CSMD1: variants seen among roughly 807,000 people sequenced by gnomAD.
CSMD1 encodes the protein CUB and sushi domain-containing protein 1.
Under a neutral mutation model 417.5 loss-of-function variants are expected in CSMD1, and 213 were observed. The ratio of observed to expected loss-of-function variants is 0.51; its 90% CI spans 0.46 to 0.57. CSMD1 has a LOEUF of 0.57. Ranked by LOEUF, CSMD1 falls within the 20% of genes least tolerant of loss-of-function variation. The probability of loss-of-function intolerance (pLI) is 0.00; values close to 1 mark genes in which losing one functional copy is unlikely to be tolerated. For synonymous variants in CSMD1, 2,862 were observed against 1,736.8 expected (o/e 1.65, Z -16.11); for missense variants, 6,923 against 4,529.7 (o/e 1.53, Z -15.17).
chr8:4,526,542 C>G (rs575536241), intron 2 of CSMD1, among the ~76,000 whole-genome samples: 70 of 152,332 alleles, frequency 4.6e-4, no homozygotes, highest in African/African-American at 1.7e-3. Flanking sequence ...AATTATAGAA[C>G]TGTGTTGTGG....
At chr8:4,977,246 C>T (rs1440173637) in intron 1 of CSMD1, among the ~76,000 whole-genome samples, 1 of 152,080 alleles carries the variant, frequency 6.6e-6, no homozygotes, top group Non-Finnish European at 1.5e-5. Context: ...CAAGTGAGAG[C>T]AAAACTCTTT....
intron 5 of CSMD1, among the ~76,000 whole-genome samples, chr8:3,836,020 TTC>T (rs1802675392): frequency 6.6e-6 from 1 of 152,136 alleles, no homozygotes; most frequent in African/African-American, 2.4e-5. Context: ...TGTCCTCATT[TTC>T]TGTTTCATTA....
chr8:4,482,717 G>A (rs999675976), intron 2 of CSMD1, among the ~76,000 whole-genome samples: 2 of 152,138 alleles, frequency 1.3e-5, no homozygotes, highest in Non-Finnish European at 2.9e-5. Context: ...CACCAACAGT[G>A]TAAAAGGATT....
intron 3 of CSMD1, among the ~76,000 whole-genome samples, chr8:4,256,736 C>T (rs947219216): frequency 2.6e-5 from 4 of 152,176 alleles, no homozygotes; most frequent in Admixed American, 2.0e-4. Flanking sequence ...GGCACAGTTA[C>T]GGGCAGTGAG....
intron 7 of CSMD1, among the ~76,000 whole-genome samples, chr8:3,704,442 T>G (rs1273429771): frequency 2.0e-5 from 3 of 152,200 alleles, no homozygotes. Flanking sequence ...AGTGGTACTT[T>G]GTACTTGCCT....
intron 1 of CSMD1, among the ~76,000 whole-genome samples, chr8:4,965,639 G>T (rs1369710097): frequency 6.6e-6 from 1 of 152,214 alleles, no homozygotes; most frequent in East Asian, 1.9e-4. Context: ...TCCTGTAGCT[G>T]TATAAGTGGA....
intron 51 of CSMD1, among the ~76,000 whole-genome samples, chr8:3,025,130 G>T (rs1809763181): frequency 6.6e-6 from 1 of 150,844 alleles, no homozygotes; most frequent in South Asian, 2.1e-4. Context: ...CTGAAACTGT[G>T]TATTGTGTGG....
At chr8:4,405,820 T>C (rs28367292) in intron 3 of CSMD1, among the ~76,000 whole-genome samples, 26,753 of 152,150 alleles carry the variant, frequency 0.18, 2,396 homozygotes, top group East Asian at 0.26. Flanking sequence ...GGCGGAGCAG[T>C]GCGTGCCTCC....
intron 26 of CSMD1, among the ~76,000 whole-genome samples, chr8:3,281,374 G>C (rs547782667): frequency 1.3e-5 from 2 of 152,258 alleles, no homozygotes; most frequent in East Asian, 3.9e-4. Flanking sequence ...AACCCAGGAG[G>C]CAGAGGCTCC....
intron 7 of CSMD1, among the ~76,000 whole-genome samples, chr8:3,654,410 T>C (rs1798002823): frequency 6.6e-6 from 1 of 152,204 alleles, no homozygotes; most frequent in Non-Finnish European, 1.5e-5. Context: ...AAGTACCCTT[T>C]GGTGTAGTCC....
chr8:3,311,343 G>T (rs915389647), intron 23 of CSMD1, among the ~76,000 whole-genome samples: 1 of 151,968 alleles, frequency 6.6e-6, no homozygotes, highest in African/African-American at 2.4e-5. Context: ...TCCATCTCCT[G>T]GGTTCCAGTG....
At chr8:4,302,045 A>G (rs987933543) in intron 3 of CSMD1, among the ~76,000 whole-genome samples, 10 of 152,192 alleles carry the variant, frequency 6.6e-5, no homozygotes, top group Admixed American at 5.9e-4. Flanking sequence ...GAAATCCCTA[A>G]TTTTTTCATT....
chr8:4,486,811 A>C (rs2130178000), intron 2 of CSMD1, among the ~76,000 whole-genome samples: 1 of 152,316 alleles, frequency 6.6e-6, no homozygotes, highest in Middle Eastern at 3.4e-3. Flanking sequence ...TCTGCTGCAA[A>C]GGTGCCTGCA....
At chr8:3,316,836 C>G (rs79714226) in intron 23 of CSMD1, among the ~76,000 whole-genome samples, 1 of 151,902 alleles carries the variant, frequency 6.6e-6, no homozygotes, top group Non-Finnish European at 1.5e-5. Flanking sequence ...GAAACTGACA[C>G]AAGTATATTC....
intron 3 of CSMD1, among the ~76,000 whole-genome samples, chr8:4,152,054 A>C (rs1410808986): frequency 6.6e-6 from 1 of 152,062 alleles, no homozygotes; most frequent in East Asian, 1.9e-4. Flanking sequence ...CTATGCTTTA[A>C]TTTTTTTCCC....
intron 1 of CSMD1, among the ~76,000 whole-genome samples, chr8:4,771,749 G>A (rs1196921100): frequency 2.6e-5 from 4 of 152,162 alleles, no homozygotes; most frequent in Non-Finnish European, 5.9e-5. Flanking sequence ...GAGAGATGAT[G>A]GCTGTCATTT....
chr8:3,509,550 T>G (rs1195085542), intron 10 of CSMD1, among the ~76,000 whole-genome samples: 2 of 152,214 alleles, frequency 1.3e-5, no homozygotes, highest in African/African-American at 4.8e-5. Context: ...GCCTCTAAAT[T>G]TTATTCAATT....
chr8:3,682,588 T>C (rs538732633), intron 7 of CSMD1, among the ~76,000 whole-genome samples: 1 of 152,216 alleles, frequency 6.6e-6, no homozygotes, highest in Non-Finnish European at 1.5e-5. Flanking sequence ...TTTGACACTG[T>C]TGGTGGGACT....
intron 1 of CSMD1, among the ~76,000 whole-genome samples, chr8:4,840,913 T>C (rs780452321): frequency 6.6e-6 from 1 of 152,246 alleles, no homozygotes; most frequent in Non-Finnish European, 1.5e-5. Context: ...ACACCACTAC[T>C]GTAAAGTGAA....
Sources: gnomAD v4.1 joint callset for allele counts (sites outside exome capture counted in the v4.1 genomes callset) on GRCh38, gnomAD v4.1.1 for gene constraint, MANE v1.5 for transcripts, NCBI Gene and HGNC (gene_info 2026-07-23, HGNC 2026-07-21) for gene names.